SNTB1: variants seen among roughly 807,000 people sequenced by gnomAD.
SNTB1 encodes syntrophin beta 1, also known as beta-1-syntrophin.
Under a neutral mutation model 48.9 loss-of-function variants are expected in SNTB1, and 36 were observed. That is an observed-to-expected ratio of 0.74 (90% CI 0.56 to 0.97). The LOEUF is 0.97. Ranked by LOEUF, SNTB1 falls within the 50% of genes least tolerant of loss-of-function variation. The pLI is 0.00. For missense variants in SNTB1, 786 were observed against 703.4 expected (o/e 1.12, Z -1.33); for synonymous variants, 299 against 294.6 (o/e 1.01, Z -0.15).
chr8:120,635,321 G>A (rs1817056760), intron 2 of SNTB1, among the ~76,000 whole-genome samples: 2 of 152,192 alleles, frequency 1.3e-5, no homozygotes, highest in Admixed American at 6.5e-5. Context: ...ATTAATGAGA[G>A]CTCAACGTGT....
In SNTB1 at chr8:120,632,610, A is replaced by G. The variant is rs1817003463; in HGVS notation, c.830T>C (p.Ile277Thr). The G allele has an allele frequency of 2.5e-6, 4 of 1,614,094 alleles. No individual in the cohort carries two copies. The East Asian group carries it at 6.7e-5, about 27-fold the overall frequency. Residue 277 changes from isoleucine (I) to threonine (T), a missense_variant, in exon 3 of 7, where the codon ATC becomes ACC. Physicochemically the swap from Ile to Thr is moderately conservative, Grantham distance 89. Coordinates refer to ENST00000517992, the MANE Select transcript of SNTB1 (RefSeq NM_021021.4). ...CGTGGCTGAGTCCTTGCTCCTTAGG[A>G]TCACCGTGTGCTTAGCATCTGGAGA... ...IHSPDAKHTVILRSKDSATAQ... is the reference protein window; with the variant it reads ...IHSPDAKHTVTLRSKDSATAQ...
intron 2 of SNTB1, among the ~76,000 whole-genome samples, chr8:120,639,312 C>T (rs565986683): frequency 6.6e-6 from 1 of 152,208 alleles, no homozygotes; most frequent in South Asian, 2.1e-4. Flanking sequence ...GAGTAGATTG[C>T]AAAAATTTTC....
chr8:120,561,319 C>CAAAAAA (rs1221884195), intron 4 of SNTB1, among the ~76,000 whole-genome samples: 12 of 45,604 alleles, frequency 2.6e-4, no homozygotes, highest in South Asian at 9.7e-4. Flanking sequence ...AACTCCATCT[C>CAAAAAA]AAAAAAAAAA....
chr8:120,645,470 T>A (rs1587058739), intron 2 of SNTB1, among the ~76,000 whole-genome samples: 1 of 151,852 alleles, frequency 6.6e-6, no homozygotes, highest in East Asian at 1.9e-4. Context: ...GATCAGATAG[T>A]TGTAGACATG....
chr8:120,632,016 A>G (rs759367800), intron 3 of SNTB1, among the ~76,000 whole-genome samples: 3 of 152,256 alleles, frequency 2.0e-5, no homozygotes, highest in African/African-American at 4.8e-5. Flanking sequence ...TTGTAAATGT[A>G]TAATTGAATC....
chr8:120,671,141 G>A (rs1817751136), intron 2 of SNTB1, among the ~76,000 whole-genome samples: 1 of 152,040 alleles, frequency 6.6e-6, no homozygotes, highest in South Asian at 2.1e-4. Flanking sequence ...TGTGGATCTG[G>A]GATGGGGCCA....
intron 2 of SNTB1, among the ~76,000 whole-genome samples, chr8:120,661,041 A>G (rs1028781627): frequency 3.3e-5 from 5 of 152,204 alleles, no homozygotes; most frequent in Non-Finnish European, 5.9e-5. Context: ...TACCGGTCAC[A>G]GATCACCATA....
chr8:120,710,421 AAG>A (rs1264383943), intron 1 of SNTB1, among the ~76,000 whole-genome samples: 1 of 152,198 alleles, frequency 6.6e-6, no homozygotes, highest in African/African-American at 2.4e-5. Context: ...TGACCTCTCT[AAG>A]CCTCACAGGG....
intron 1 of SNTB1, among the ~76,000 whole-genome samples, chr8:120,763,617 T>C (rs937496210): frequency 2.6e-5 from 4 of 152,122 alleles, no homozygotes; most frequent in Non-Finnish European, 5.9e-5. Flanking sequence ...AAAAATACCA[T>C]AAACAAAGTA....
At chr8:120,769,316 T>C (rs1344609675) in intron 1 of SNTB1, 1 of 152,120 alleles carries the variant, frequency 6.6e-6, no homozygotes, top group East Asian at 1.9e-4. Flanking sequence ...GTCAGAACCT[T>C]TTCCAGAAGT....
intron 2 of SNTB1, among the ~76,000 whole-genome samples, chr8:120,667,140 A>C (rs1817687015): frequency 6.8e-6 from 1 of 147,020 alleles, no homozygotes; most frequent in South Asian, 2.2e-4. Flanking sequence ...TCTGTTACCC[A>C]GGCTTTGCTG....
chr8:120,716,681 A>C (rs1307986593), intron 1 of SNTB1, among the ~76,000 whole-genome samples: 1 of 152,232 alleles, frequency 6.6e-6, no homozygotes, highest in Non-Finnish European at 1.5e-5. Context: ...ATGGAGGATG[A>C]AAGTCAGCTT....
intron 1 of SNTB1, chr8:120,765,868 G>T (rs937576502): frequency 6.6e-6 from 1 of 152,126 alleles, no homozygotes; most frequent in African/African-American, 2.4e-5. Flanking sequence ...TGCTAAGGTT[G>T]GTTGAACTGA....
intron 1 of SNTB1, among the ~76,000 whole-genome samples, chr8:120,793,558 T>A (rs1189195517): frequency 6.6e-6 from 1 of 152,034 alleles, no homozygotes; most frequent in Non-Finnish European, 1.5e-5. Flanking sequence ...TATGAAGTAT[T>A]CCACTCAAGG....
At chr8:120,601,904 T>C (rs745754475) in intron 3 of SNTB1, among the ~76,000 whole-genome samples, 4 of 152,180 alleles carry the variant, frequency 2.6e-5, no homozygotes, top group Non-Finnish European at 4.4e-5. Context: ...TATGGCTGTC[T>C]ACGGTAATAA....
At chr8:120,568,725 T>C (rs1220186326) in intron 4 of SNTB1, among the ~76,000 whole-genome samples, 3 of 152,208 alleles carry the variant, frequency 2.0e-5, no homozygotes, top group African/African-American at 7.2e-5. Context: ...GAATAGCCAG[T>C]GCCACCTAAG....
At chr8:120,641,509 T>A (rs908561789) in intron 2 of SNTB1, among the ~76,000 whole-genome samples, 1 of 152,204 alleles carries the variant, frequency 6.6e-6, no homozygotes, top group Non-Finnish European at 1.5e-5. Context: ...AAAGGGTATT[T>A]TCTTTGTTGG....
chr8:120,809,458 TAA>T (rs1466138924), intron 1 of SNTB1, among the ~76,000 whole-genome samples: 1 of 152,202 alleles, frequency 6.6e-6, no homozygotes, highest in South Asian at 2.1e-4. Context: ...TTTCTTTCTC[TAA>T]GTTTATTTTC....
At chr8:120,669,443 GTTTT>G (rs1182227923) in intron 2 of SNTB1, among the ~76,000 whole-genome samples, 1 of 82,328 alleles carries the variant, frequency 1.2e-5, no homozygotes, top group Non-Finnish European at 2.1e-5. Flanking sequence ...GAAAATGCTT[GTTTT>G]TTTTTTTTTT....
Sources: gnomAD v4.1 joint callset for allele counts (sites outside exome capture counted in the v4.1 genomes callset) on GRCh38, gnomAD v4.1.1 for gene constraint, MANE v1.5 for transcripts, NCBI Gene and HGNC (gene_info 2026-07-23, HGNC 2026-07-21) for gene names.